The following NSD1 variants were observed in gnomAD, a reference collection of about 807,000 sequenced individuals.
NSD1 encodes the protein histone-lysine N-methyltransferase, H3 lysine-36 specific.
Under a neutral mutation model 242.7 loss-of-function variants are expected in NSD1, and 26 were observed. The ratio of observed to expected loss-of-function variants is 0.11; its 90% confidence interval spans 0.08 to 0.15. NSD1 has a LOEUF of 0.15. Among genes scored for constraint, NSD1 ranks in the 10% least tolerant of loss-of-function variants. The pLI is 1.00. For missense variants in NSD1, 2,495 were observed against 3,272.8 expected (o/e 0.76, Z 5.80); for synonymous variants, 1,106 against 1,178.1 (o/e 0.94, Z 1.25).
At chr5:177,178,708 G>A in intron 2 of NSD1, among the ~76,000 whole-genome samples, 1 of 152,164 alleles carries the variant, frequency 6.6e-6, no homozygotes, top group East Asian at 1.9e-4. Flanking sequence ...CGGCTTAAGT[G>A]ATCCTTGTTT....
intron 2 of NSD1, among the ~76,000 whole-genome samples, chr5:177,161,119 G>A (rs1758713448): frequency 6.6e-6 from 1 of 152,074 alleles, no homozygotes; most frequent in African/African-American, 2.4e-5. Flanking sequence ...CATGGGGGCT[G>A]ATGCCTGTGA....
At chr5:177,185,783 T>C (rs1562171197) in intron 2 of NSD1, among the ~76,000 whole-genome samples, 1 of 39,126 alleles carries the variant, frequency 2.6e-5, no homozygotes, top group African/African-American at 1.7e-4. Context: ...ATATTATATA[T>C]GTATATTATA....
upstream of NSD1, among the ~76,000 whole-genome samples, chr5:177,132,590 T>C (rs1015631469): frequency 8.6e-5 from 13 of 151,862 alleles, no homozygotes; most frequent in African/African-American, 2.7e-4. The surrounding 1 kb of genome is among the most constrained non-coding windows in gnomAD (Gnocchi z 7.5). Context: ...GGACTCGGCC[T>C]CCCTGGGCGG....
In NSD1 at chr5:177,207,530, C is replaced by A. The variant is rs950794533; in HGVS notation, c.1237-2106C>A. On this transcript the variant is annotated intron_variant, in intron 4 of 22. Transcript: ENST00000439151. ...ATCTCCTGACCTTGTGATCTGCCCA[C>A]CTCAGCCTCCCAAAGCACTGGGATT... 2.0e-5 allele frequency among the ~76,000 whole-genome samples: 3 copies of A among 151,148 alleles called. No individual in the cohort carries two copies. The East Asian group carries it at 5.8e-4, about 29-fold the overall frequency.
At chr5:177,276,489 C>G (rs1758394419) in intron 17 of NSD1, among the ~76,000 whole-genome samples, 1 of 151,982 alleles carries the variant, frequency 6.6e-6, no homozygotes, top group African/African-American at 2.4e-5. Context: ...CCACACCTGG[C>G]TAATTTTTGT....
intron 5 of NSD1, among the ~76,000 whole-genome samples, chr5:177,218,865 G>A (rs186007787): frequency 4.0e-5 from 6 of 151,638 alleles, no homozygotes; most frequent in Non-Finnish European, 8.8e-5. Context: ...CACCGCGCCC[G>A]GCCCCCCCTT....
At chr5:177,254,768 A>T (rs1021434985) in intron 12 of NSD1, among the ~76,000 whole-genome samples, 1 of 133,340 alleles carries the variant, frequency 7.5e-6, no homozygotes. Flanking sequence ...TTCACATTTC[A>T]CTATTAGGTC....
chr5:177,160,273 T>G (rs1406967170), intron 2 of NSD1, among the ~76,000 whole-genome samples: 3 of 152,100 alleles, frequency 2.0e-5, no homozygotes, highest in Non-Finnish European at 4.4e-5. Flanking sequence ...TGAATGAGCT[T>G]TACTTCATTT....
intron 12 of NSD1, among the ~76,000 whole-genome samples, chr5:177,253,116 A>C (rs1756141127): frequency 6.6e-6 from 1 of 152,106 alleles, no homozygotes; most frequent in Admixed American, 6.5e-5. Context: ...AGGCTTTTGT[A>C]TGTGGCAGTG....
At chr5:177,145,084 CAAA>C (rs530282937) in intron 2 of NSD1, among the ~76,000 whole-genome samples, 8 of 77,698 alleles carry the variant, frequency 1.0e-4, no homozygotes, top group Non-Finnish European at 1.4e-4. Context: ...GACTTTGTCT[CAAA>C]AAAAAAAAAA....
chr5:177,195,759 C>T (rs1237215978), intron 3 of NSD1, among the ~76,000 whole-genome samples: 3 of 152,124 alleles, frequency 2.0e-5, no homozygotes, highest in Non-Finnish European at 4.4e-5. Context: ...CAGGAGCTAC[C>T]GCACTCAGCC....
At chr5:177,162,030 G>T (rs1758798194) in intron 2 of NSD1, among the ~76,000 whole-genome samples, 1 of 151,936 alleles carries the variant, frequency 6.6e-6, no homozygotes, top group African/African-American at 2.4e-5. Flanking sequence ...GGGCGCTGTG[G>T]CTCACTCCTG....
intron 2 of NSD1, among the ~76,000 whole-genome samples, chr5:177,144,958 G>GC (rs1757113391): frequency 6.6e-6 from 1 of 151,818 alleles, no homozygotes; most frequent in Non-Finnish European, 1.5e-5. Context: ...GGTGGCACGT[G>GC]CCTGTAGTCC....
At position 177,296,970 on chromosome 5, in the gene NSD1, C is replaced by T. The variant is rs576007542; in HGVS notation, c.*1511C>T. The T allele has an allele frequency of 1.7e-5, 4 of 233,312 alleles. No individual in the cohort carries two copies. Among genetic ancestry groups the T allele is most frequent in the South Asian group, 1.8e-4 (1 of 5,530 alleles). The allele number at this position is 233,312 out of a possible 1,614,324, so 14.5% of individuals were successfully genotyped here. On this transcript the variant is annotated 3_prime_UTR_variant, in exon 23 of 23. Transcript: ENST00000439151. ...CATTATCTCTTAGTTATGGCTTTCA[C>T]GCTCTCAATAGGATTCTGTATTTGG...
At chr5:177,256,404 T>A (rs1437121597) in intron 12 of NSD1, among the ~76,000 whole-genome samples, 1 of 151,270 alleles carries the variant, frequency 6.6e-6, no homozygotes, top group Non-Finnish European at 1.5e-5. Context: ...TGCCTCAGCC[T>A]CTTGAGTAGC....
intron 2 of NSD1, among the ~76,000 whole-genome samples, chr5:177,142,319 TAAAAA>T (rs756098253): frequency 3.3e-5 from 5 of 152,036 alleles, no homozygotes; most frequent in African/African-American, 4.8e-5. Context: ...ATAAAAAAAT[TAAAAA>T]AAGGAAAGAG....
chr5:177,230,231 C>T (rs922937734), intron 5 of NSD1, among the ~76,000 whole-genome samples: 3 of 152,120 alleles, frequency 2.0e-5, no homozygotes, highest in South Asian at 2.1e-4. Flanking sequence ...AAGTGATTCT[C>T]GTGCTTCAGC....
chr5:177,296,166 A>G lies in NSD1; in HGVS notation c.*707A>G. 1 of 240,174 alleles carries G rather than the reference A, an allele frequency of 4.2e-6. No homozygotes were observed. The allele number at this position is 240,174 out of a possible 1,614,324, so 14.9% of individuals were successfully genotyped here. On this transcript the variant is annotated 3_prime_UTR_variant, in exon 23 of 23. Coordinates refer to ENST00000439151, the MANE Select transcript of NSD1 (RefSeq NM_022455.5). The stretch of plus-strand genomic sequence containing the variant: ...TCACAGAGGTCTCCTCTATAGATGC[A>G]AGGGTGCTGCATTGAGGCCAGCAAG...
chr5:177,240,280 A>G (rs963265505), intron 8 of NSD1, among the ~76,000 whole-genome samples: 42 of 152,032 alleles, frequency 2.8e-4, no homozygotes, highest in Admixed American at 2.8e-3. Context: ...CCCAGGCTGG[A>G]GTGCAGTGGC....
Sources: gnomAD v4.1 joint callset for allele counts (sites outside exome capture counted in the v4.1 genomes callset) on GRCh38, gnomAD v4.1.1 for gene constraint, Gnocchi (gnomAD v3.1) non-coding constraint, MANE v1.5 for transcripts, NCBI Gene and HGNC (gene_info 2026-07-23, HGNC 2026-07-21) for gene names.